Variants in GRIP1 observed in about 807,000 individuals in gnomAD.
GRIP1 encodes glutamate receptor interacting protein 1.
A neutral mutation model predicts 129.9 loss-of-function variants in GRIP1; 45 were observed. The observed-to-expected ratio is 0.35, with a 90% confidence interval of 0.27 to 0.44. The LOEUF (loss-of-function observed/expected upper bound fraction) is 0.44. Among genes scored for constraint, GRIP1 ranks in the 20% least tolerant of loss-of-function variants. The probability of loss-of-function intolerance (pLI) is 1.00; values close to 1 mark genes in which losing one functional copy is unlikely to be tolerated. For synonymous variants in GRIP1, 530 were observed against 520.8 expected, an observed-to-expected ratio of 1.02 and a Z score of -0.24; for missense variants, 1,196 against 1,396.8, an observed-to-expected ratio of 0.86 and a Z score of 2.29.
intron 17 of GRIP1, among the ~76,000 whole-genome samples, chr12:66,393,089 C>A (rs1423875186): frequency 6.6e-6 from 1 of 150,980 alleles, no homozygotes; most frequent in African/African-American, 2.4e-5. Flanking sequence ...ATTGGTTAAG[C>A]ACCCTAAAAA....
At chr12:66,937,035 T>C (rs1049108394) in intron 1 of GRIP1, among the ~76,000 whole-genome samples, 1 of 152,170 alleles carries the variant, frequency 6.6e-6, no homozygotes, top group African/African-American at 2.4e-5. Flanking sequence ...AAACCAATTA[T>C]CACTTTTTTC....
rs542397030 is a variant in GRIP1, at chr12:66,347,933, T to TATTA, written c.*1082_*1085dup. 1.8e-3 allele frequency: 277 copies of TATTA among 152,364 alleles called. 4 individuals carry two copies. The highest frequency in any genetic ancestry group is 6.3e-3 in the African/African-American group (263 of 41,594). The allele number at this position is 152,364 out of a possible 1,614,324, so 9.4% of individuals were successfully genotyped here. ...TTTATGTTCACCAAATAATAACAGT[T>TATTA]ATTAGTGTAGCTATTCAAAATATCT... On this transcript the variant is annotated 3_prime_UTR_variant, in exon 25 of 25. Coordinates refer to ENST00000359742, the MANE Select transcript of GRIP1 (RefSeq NM_001366722.1).
chr12:66,887,161 T>C (rs2040579531), intron 1 of GRIP1, among the ~76,000 whole-genome samples: 1 of 152,246 alleles, frequency 6.6e-6, no homozygotes, highest in Admixed American at 6.5e-5. Context: ...TAAAGTTGTT[T>C]GAAGACTTCG....
chr12:66,782,216 C>A (rs117844473), intron 1 of GRIP1, among the ~76,000 whole-genome samples: 2 of 152,160 alleles, frequency 1.3e-5, no homozygotes, highest in South Asian at 4.2e-4. Flanking sequence ...CAATAAAAAT[C>A]CTATATAGAA....
At chr12:66,884,012 G>A (rs2040522718) in intron 1 of GRIP1, among the ~76,000 whole-genome samples, 1 of 152,194 alleles carries the variant, frequency 6.6e-6, no homozygotes, top group Non-Finnish European at 1.5e-5. Flanking sequence ...CAGTGCACAT[G>A]CAAGTGTGAG....
At chr12:66,651,599 G>A (rs2032799228) in intron 1 of GRIP1, among the ~76,000 whole-genome samples, 1 of 152,122 alleles carries the variant, frequency 6.6e-6, no homozygotes, top group Non-Finnish European at 1.5e-5. Flanking sequence ...ATACACCATG[G>A]CTAATTGGGG....
intron 4 of GRIP1, among the ~76,000 whole-genome samples, chr12:66,530,886 T>A (rs565271437): frequency 6.6e-6 from 1 of 151,712 alleles, no homozygotes. Flanking sequence ...AAGTAACACA[T>A]TTTTTTACAT....
intron 1 of GRIP1, among the ~76,000 whole-genome samples, chr12:66,714,006 A>T (rs1250388753): frequency 6.6e-6 from 1 of 152,098 alleles, no homozygotes; most frequent in Non-Finnish European, 1.5e-5. Context: ...TCTGTGACCT[A>T]ACACAGTCAA....
chr12:66,642,858 G>A (rs1200722087), intron 1 of GRIP1, among the ~76,000 whole-genome samples: 1 of 152,040 alleles, frequency 6.6e-6, no homozygotes, highest in Non-Finnish European at 1.5e-5. Flanking sequence ...TGAATCAATG[G>A]AACAAAAAGT....
intron 1 of GRIP1, among the ~76,000 whole-genome samples, chr12:66,809,703 A>G (rs1263533440): frequency 6.7e-6 from 1 of 150,018 alleles, no homozygotes; most frequent in Non-Finnish European, 1.5e-5. Flanking sequence ...TGTGTTGCCC[A>G]GGCTGGAGTC....
chr12:66,653,856 T>C (rs565463090), intron 1 of GRIP1, among the ~76,000 whole-genome samples: 19 of 152,164 alleles, frequency 1.2e-4, no homozygotes, highest in Admixed American at 5.2e-4. Flanking sequence ...ATATACACAA[T>C]TGAGTAGAGA....
intron 23 of GRIP1, among the ~76,000 whole-genome samples, chr12:66,358,632 A>C (rs1383908587): frequency 6.6e-6 from 1 of 152,084 alleles, no homozygotes; most frequent in Admixed American, 6.6e-5. Context: ...TAGTTTTAGC[A>C]GAGACAGGGT....
Position 66,456,256 on chromosome 12 carries a change from TGTTATAGTGATG to T in GRIP1, c.1117_1128del (p.His373_Asn376del), listed in dbSNP as rs1330153526. On this transcript the variant is annotated inframe_deletion, in exon 10 of 25. Coordinates refer to ENST00000359742, the MANE Select transcript of GRIP1 (RefSeq NM_001366722.1). ...ACTCTGCAATGGTCAGGGTGGTACG[TGTTATAGTGATG>T]GTTGGTGTGAAGGCTGCTGTGGTTG... 1 of 1,289,516 alleles carries T rather than the reference TGTTATAGTGATG, an allele frequency of 7.8e-7. No homozygotes were observed. Among genetic ancestry groups the T allele is most frequent in the Admixed American group, 2.3e-5 (1 of 43,548 alleles). 79.9% of individuals were successfully genotyped at this position (1,289,516 alleles called of 1,614,324 possible).
chr12:66,802,266 C>T (rs970166517), intron 1 of GRIP1, among the ~76,000 whole-genome samples: 2 of 152,040 alleles, frequency 1.3e-5, no homozygotes, highest in African/African-American at 4.8e-5. Flanking sequence ...ACTAACTCCA[C>T]AAGTTATATA....
At chr12:66,636,477 A>G (rs2031382485) in intron 1 of GRIP1, among the ~76,000 whole-genome samples, 1 of 152,172 alleles carries the variant, frequency 6.6e-6, no homozygotes, top group Non-Finnish European at 1.5e-5. Context: ...GAAAACAAAA[A>G]TCTAACTTCT....
At chr12:66,667,720 A>G (rs1478061149) in intron 1 of GRIP1, among the ~76,000 whole-genome samples, 2 of 152,148 alleles carry the variant, frequency 1.3e-5, no homozygotes, top group Admixed American at 1.3e-4. Flanking sequence ...GGTCATCACT[A>G]CAGATCCATG....
intron 11 of GRIP1, among the ~76,000 whole-genome samples, chr12:66,449,505 T>C (rs560906909): frequency 1.8e-4 from 27 of 152,150 alleles, no homozygotes; most frequent in Non-Finnish European, 7.4e-5. Context: ...TGGATTAAGG[T>C]TAACATAGCC....
At position 66,678,765 on chromosome 12, in the gene GRIP1, C is replaced by A; in HGVS notation, c.55+85G>T. The A allele has an allele frequency of 2.4e-6, 3 of 1,248,396 alleles. No homozygotes were observed. The South Asian group carries it at 3.7e-5, about 15-fold the overall frequency. The allele number at this position is 1,248,396 out of a possible 1,614,324, so 77.3% of individuals were successfully genotyped here. A position where few individuals can be genotyped will look rare whatever the true frequency, so the allele number is the denominator to read the frequency against. ...CCTGACAATAAATTGCAAAGGCAGT[C>A]ATATTTGAAAGTAAAAACCATTAAA... On this transcript the variant is annotated intron_variant, in intron 1 of 24. Coordinates refer to ENST00000359742, the MANE Select transcript of GRIP1 (RefSeq NM_001366722.1).
intron 1 of GRIP1, among the ~76,000 whole-genome samples, chr12:66,783,029 A>C (rs1423539343): frequency 6.6e-6 from 1 of 152,144 alleles, no homozygotes; most frequent in Non-Finnish European, 1.5e-5. Flanking sequence ...GCTGAAAGGC[A>C]AATGAGTAAA....
Sources: allele counts gnomAD v4.1 joint callset (sites outside exome capture counted in the v4.1 genomes callset), GRCh38; gene constraint gnomAD v4.1.1; transcripts MANE v1.5; gene names NCBI Gene and HGNC (gene_info 2026-07-23, HGNC 2026-07-21).